Variants in RYR3 observed in about 807,000 individuals in gnomAD.
RYR3 encodes ryanodine receptor 3.
RYR3 carries 207 observed loss-of-function variants against 584.3 expected under a neutral mutation model. The ratio of observed to expected loss-of-function variants is 0.35; its 90% CI spans 0.32 to 0.40. The LOEUF (loss-of-function observed/expected upper bound fraction) is 0.40, where lower values mean the gene tolerates loss of function less well. Among genes scored for constraint, RYR3 ranks in the 10% least tolerant of loss-of-function variants. The pLI, the probability that RYR3 is intolerant of heterozygous loss-of-function variation, is 1.00. For missense variants in RYR3, 5,616 were observed against 6,089.2 expected (o/e 0.92, Z 2.59); for synonymous variants, 2,416 against 2,248.5 (o/e 1.07, Z -2.11).
chr15:33,338,031 G>A (rs1220766621), intron 1 of RYR3, among the ~76,000 whole-genome samples: 2 of 139,690 alleles, frequency 1.4e-5, no homozygotes, highest in Non-Finnish European at 1.5e-5. Context: ...CGAAAGCTCC[G>A]CCTCTTGGGT....
At chr15:33,841,678 C>T (rs755365216) in intron 90 of RYR3, 186 bp from the exon 91 acceptor site, 21 of 571,582 alleles carry the variant, frequency 3.7e-5, no homozygotes, top group Non-Finnish European at 5.5e-5. Context: ...GATCATGGCT[C>T]ATCCTCATTG....
chr15:33,743,135 T>C (rs1315680684), intron 52 of RYR3, among the ~76,000 whole-genome samples: 5 of 152,146 alleles, frequency 3.3e-5, no homozygotes, highest in Admixed American at 2.6e-4. Flanking sequence ...AGTGGACCCA[T>C]GTCCACAGCA....
At chr15:33,618,524 A>G (rs1222661277) in intron 19 of RYR3, among the ~76,000 whole-genome samples, 4 of 152,250 alleles carry the variant, frequency 2.6e-5, no homozygotes, top group Non-Finnish European at 5.9e-5. Context: ...GGGAATGTCC[A>G]TAACTCAGAT....
At chr15:33,378,819 G>T (rs2040943484) in intron 1 of RYR3, among the ~76,000 whole-genome samples, 1 of 152,154 alleles carries the variant, frequency 6.6e-6, no homozygotes, top group African/African-American at 2.4e-5. Context: ...AAGAAGATCA[G>T]CCAGGCATAG....
rs564867690 is a variant in RYR3 at position 33,713,932 on chromosome 15, G to A, written c.6619+6878G>A. On this transcript the variant is annotated intron_variant, in intron 43 of 103. Transcript: ENST00000634891. The stretch of plus-strand genomic sequence containing the variant: ...ACCAAAGGCCCTACTGCCTAATATC[G>A]TCACCTGGACAGTTAGGATTTCAAC... Among the ~76,000 whole-genome samples the A allele has an allele frequency of 2.6e-5, 4 of 152,188 alleles. No homozygotes were observed. The East Asian group carries it at 5.8e-4, about 22-fold the overall frequency.
At chr15:33,810,381 T>G in intron 70 of RYR3, 98 bp from the exon 71 acceptor site, 1 of 1,244,788 alleles carries the variant, frequency 8.0e-7, no homozygotes, top group Non-Finnish European at 1.1e-6. Flanking sequence ...CACCCTATAC[T>G]GACAGGGCCA....
intron 1 of RYR3, among the ~76,000 whole-genome samples, chr15:33,419,441 C>G (rs1035680496): frequency 1.3e-5 from 2 of 152,108 alleles, no homozygotes; most frequent in African/African-American, 4.8e-5. Flanking sequence ...ATCAGTCAGA[C>G]GTTAGACTCT....
intron 77 of RYR3, among the ~76,000 whole-genome samples, chr15:33,820,279 A>T (rs138303637): frequency 1.3e-5 from 2 of 152,338 alleles, no homozygotes; most frequent in African/African-American, 4.8e-5. Context: ...TCAGGCAGAA[A>T]GGATGTGTTG....
chr15:33,369,837 G>A (rs1039533378), intron 1 of RYR3, among the ~76,000 whole-genome samples: 2 of 152,176 alleles, frequency 1.3e-5, no homozygotes, highest in Non-Finnish European at 2.9e-5. Flanking sequence ...TCTGCCTTAT[G>A]TGTTGGTTCT....
chr15:33,457,598 T>C (rs1237616231), intron 1 of RYR3, among the ~76,000 whole-genome samples: 1 of 152,088 alleles, frequency 6.6e-6, no homozygotes, highest in East Asian at 1.9e-4. Flanking sequence ...GGAAAGAGGA[T>C]AAGAGATTGA....
At chr15:33,659,388 A>G (rs963257680) in intron 32 of RYR3, among the ~76,000 whole-genome samples, 7 of 152,364 alleles carry the variant, frequency 4.6e-5, no homozygotes, top group African/African-American at 1.7e-4. Flanking sequence ...CACACTGTTC[A>G]GTGACCAGCA....
intron 38 of RYR3, among the ~76,000 whole-genome samples, chr15:33,674,187 C>T (rs2152728965): frequency 6.6e-6 from 1 of 152,352 alleles, no homozygotes; most frequent in South Asian, 2.1e-4. Flanking sequence ...ATGTTTAGTG[C>T]TGAGAAGAAG....
chr15:33,697,206 G>A (rs576971698), intron 39 of RYR3, among the ~76,000 whole-genome samples: 1 of 152,236 alleles, frequency 6.6e-6, no homozygotes, highest in African/African-American at 2.4e-5. Flanking sequence ...TGCAGGAAAG[G>A]GACCTTCAGG....
chr15:33,764,015 G>C (rs2072769556), intron 60 of RYR3, among the ~76,000 whole-genome samples: 1 of 151,994 alleles, frequency 6.6e-6, no homozygotes. Flanking sequence ...GTGGAATACA[G>C]TGTGGCGATT....
At position 33,794,349 on chromosome 15, in the gene RYR3, A is replaced by ATGTG. The variant is rs2075449193; in HGVS notation, c.9830+5892_9830+5893insGTGT. ...TTTATATATGTTTATATATATAAAA[A>ATGTG]TATATATATATATAAAATCTTTTCT... On this transcript the variant is annotated intron_variant, in intron 67 of 103. Transcript: ENST00000634891. Among the ~76,000 whole-genome samples the ATGTG allele has an allele frequency of 5.9e-5, 6 of 102,476 alleles. 1 individual carries two copies. The highest frequency in any genetic ancestry group is 3.2e-4 in the South Asian group (1 of 3,160). The allele number at this position is 102,476 out of a possible 152,430, so 67.2% of individuals were successfully genotyped here.
rs562975025 is a variant in RYR3 at position 33,412,691 on chromosome 15, A to G, written c.52-60728A>G. Among the ~76,000 whole-genome samples the G allele has an allele frequency of 5.9e-5, 9 of 152,304 alleles. No individual in the cohort carries two copies. In the South Asian group the frequency reaches 1.9e-3, roughly 32 times the overall value. ...TGGTTGTAACTCTCTGAAGCTGAGT[A>G]CTGTGGCTAAATCAAGCTCCCATTC... On this transcript the variant is annotated intron_variant, in intron 1 of 103. Transcript: ENST00000634891. This position sits in a 1 kb window ranked among gnomAD's most constrained non-coding sequence, Gnocchi z 4.3.
chr15:33,664,327 C>T (rs541632516), intron 36 of RYR3, among the ~76,000 whole-genome samples: 6 of 152,000 alleles, frequency 3.9e-5, no homozygotes, highest in African/African-American at 1.2e-4. Flanking sequence ...AGCCTTACCC[C>T]GATGGGAAGG....
Position 33,601,568 on chromosome 15 carries a change from C to T in RYR3, c.1922+16C>T, listed in dbSNP as rs2437135. 1,040,269 of 1,610,398 alleles carry T rather than the reference C, an allele frequency of 0.65. 339,364 individuals are homozygous for T. Among genetic ancestry groups the T allele is most frequent in the East Asian group, 0.93 (41,547 of 44,774 alleles). On this transcript the variant is annotated intron_variant, in intron 17 of 103. Transcript: ENST00000634891. ...ATGTAACCAGGTAAGGCCACCACCA[C>T]CATTCCAAATGCCAAGCATAGTTCT... is the stretch of plus-strand genomic sequence containing the variant.
chr15:33,553,650 G>A (rs1251672535), intron 10 of RYR3, among the ~76,000 whole-genome samples: 2 of 152,136 alleles, frequency 1.3e-5, no homozygotes, highest in Non-Finnish European at 2.9e-5. Flanking sequence ...CCCAACTTCA[G>A]CAGCTGATGC....
Sources: allele counts gnomAD v4.1 joint callset (sites outside exome capture counted in the v4.1 genomes callset), GRCh38; gene constraint gnomAD v4.1.1; non-coding constraint Gnocchi (gnomAD v3.1); transcripts MANE v1.5; gene names NCBI Gene and HGNC (gene_info 2026-07-23, HGNC 2026-07-21).